FAM53A: variants seen among roughly 807,000 people sequenced by gnomAD.
FAM53A encodes family with sequence similarity 53 member A.
In FAM53A, 28 loss-of-function variants were observed where a neutral mutation model predicts 26.6. That is an observed-to-expected ratio of 1.05 (90% confidence interval 0.78 to 1.45). The LOEUF (loss-of-function observed/expected upper bound fraction) is 1.45, where lower values mean the gene tolerates loss of function less well. Among genes scored for constraint, FAM53A ranks in the 40% most tolerant of loss-of-function variants. The pLI, the probability that FAM53A is intolerant of heterozygous loss-of-function variation, is 0.00. For missense variants in FAM53A, 650 were observed against 575.8 expected (o/e 1.13, Z -1.32); for synonymous variants, 290 against 253.1 (o/e 1.15, Z -1.38).
intron 4 of FAM53A, among the ~76,000 whole-genome samples, chr4:1,653,037 A>G (rs940577779): frequency 6.7e-6 from 1 of 149,240 alleles, no homozygotes; most frequent in Non-Finnish European, 1.5e-5. Context: ...ACACACACAC[A>G]ACACATAGAC....
intron 1 of FAM53A, among the ~76,000 whole-genome samples, chr4:1,623,355 G>A (rs886444004): frequency 1.3e-5 from 2 of 151,760 alleles, no homozygotes; most frequent in East Asian, 1.9e-4. Flanking sequence ...CCGCAGCCCC[G>A]GGAGAGGAGG....
chr4:1,634,719 G>A (rs1261456062), intron 1 of FAM53A, among the ~76,000 whole-genome samples: 3 of 151,618 alleles, frequency 2.0e-5, no homozygotes, highest in Non-Finnish European at 4.4e-5. Flanking sequence ...CCAACATGGT[G>A]AAACCCCGTC....
downstream of FAM53A, among the ~76,000 whole-genome samples, chr4:1,613,235 CT>C (rs1714693576): frequency 6.6e-6 from 1 of 152,202 alleles, no homozygotes; most frequent in African/African-American, 2.4e-5. Context: ...CAGAAAGGTA[CT>C]GGGGGTGGGA....
At chr4:1,676,570 T>C (rs1715058247) in intron 1 of FAM53A, among the ~76,000 whole-genome samples, 1 of 152,114 alleles carries the variant, frequency 6.6e-6, no homozygotes, top group Non-Finnish European at 1.5e-5. Flanking sequence ...AATACTGAGC[T>C]ACTCCCAAAC....
chr4:1,618,364 G>A (rs771224908), intron 1 of FAM53A, among the ~76,000 whole-genome samples: 8 of 152,310 alleles, frequency 5.3e-5, no homozygotes, highest in South Asian at 4.1e-4. Flanking sequence ...AACCAGGCCC[G>A]GACTGGAACA....
intron 4 of FAM53A, among the ~76,000 whole-genome samples, chr4:1,647,853 T>C (rs569045539): frequency 1.3e-4 from 20 of 152,004 alleles, no homozygotes; most frequent in Admixed American, 2.6e-4. Context: ...ATTATAAAAG[T>C]TGTAGAGGAA....
chr4:1,634,713 C>A (rs374944707), intron 1 of FAM53A, among the ~76,000 whole-genome samples: 4 of 152,108 alleles, frequency 2.6e-5, no homozygotes, highest in African/African-American at 9.6e-5. Flanking sequence ...GCCTGGCCAA[C>A]ATGGTGAAAC....
chr4:1,598,932 A>G, the FAM53A span, among the ~76,000 whole-genome samples: 2 of 152,242 alleles, frequency 1.3e-5, no homozygotes, highest in African/African-American at 4.8e-5. Flanking sequence ...AATTGGGTTA[A>G]TATGCCTTAA....
the FAM53A span, among the ~76,000 whole-genome samples, chr4:1,580,666 CACGCCT>C: frequency 1.4e-5 from 2 of 144,480 alleles, no homozygotes; most frequent in Non-Finnish European, 3.0e-5. Flanking sequence ...CCGCCCAGGC[CACGCCT>C]CCCACTGAGG....
chr4:1,620,902 G>T (rs1020836321), intron 1 of FAM53A, among the ~76,000 whole-genome samples: 1 of 151,952 alleles, frequency 6.6e-6, no homozygotes, highest in African/African-American at 2.4e-5. Flanking sequence ...GCTGGGATCG[G>T]GTCCCCAGGG....
At chr4:1,636,781 C>G (rs370297034), downstream of FAM53A, among the ~76,000 whole-genome samples, 4 of 152,210 alleles carry the variant, frequency 2.6e-5, no homozygotes, top group Admixed American at 6.5e-5. Context: ...GACCAGGCAT[C>G]GGGAGGCCAC....
At chr4:1,579,126 G>A in the FAM53A span, among the ~76,000 whole-genome samples, 1 of 150,516 alleles carries the variant, frequency 6.6e-6, no homozygotes, top group Non-Finnish European at 1.5e-5. Context: ...TCCCGAATCC[G>A]ACCAGCCCGG....
chr4:1,576,633 C>T, the FAM53A span, among the ~76,000 whole-genome samples: 1 of 152,238 alleles, frequency 6.6e-6, no homozygotes, highest in Non-Finnish European at 1.5e-5. Context: ...AGAGTGTGAA[C>T]GTTACGGTAA....
chr4:1,637,964 C>A (rs958741360), downstream of FAM53A, among the ~76,000 whole-genome samples: 4 of 151,936 alleles, frequency 2.6e-5, no homozygotes, highest in Middle Eastern at 3.4e-3. Context: ...GGCCCTGGGA[C>A]CCCCTGCCTG....
intron 2 of FAM53A, among the ~76,000 whole-genome samples, chr4:1,662,952 T>TG (rs1213321692): frequency 2.0e-5 from 3 of 152,196 alleles, no homozygotes; most frequent in South Asian, 2.1e-4. Context: ...CCCACCACTC[T>TG]GGGGGGCCGA....
chr4:1,668,736 G>A lies in FAM53A; in HGVS notation c.6C>T (p.Val2=). 6.2e-7 allele frequency: 1 copy of A among 1,614,204 alleles called. No homozygotes were observed. Residue 2 remains valine, a synonymous_variant, in exon 2 of 5, where the codon GTC becomes GTT. Coordinates refer to ENST00000308132, the MANE Select transcript of FAM53A (RefSeq NM_001174070.3). ...TCTGCAGCTTCTCAGTGATGAGTGT[G>A]ACCATGGTCGGGGCCCCGTGTCCTC... M[V]TLITEKLQSQ...
chr4:1,624,196 C>T (rs1715179473), intron 1 of FAM53A, among the ~76,000 whole-genome samples: 1 of 152,252 alleles, frequency 6.6e-6, no homozygotes, highest in South Asian at 2.1e-4. Flanking sequence ...ACGACTGGCT[C>T]AGGTCCCTGG....
At chr4:1,651,963 A>G (rs1712828941) in intron 4 of FAM53A, among the ~76,000 whole-genome samples, 1 of 150,622 alleles carries the variant, frequency 6.6e-6, no homozygotes, top group South Asian at 2.1e-4. Context: ...ACACACACAC[A>G]CCATGCACGC....
intron 1 of FAM53A, among the ~76,000 whole-genome samples, chr4:1,620,443 C>T (rs1386373192): frequency 6.6e-6 from 1 of 151,888 alleles, no homozygotes; most frequent in East Asian, 1.9e-4. Flanking sequence ...TGGTTCCTGC[C>T]ACAGTCAGGA....
Sources: gnomAD v4.1 joint callset for allele counts (sites outside exome capture counted in the v4.1 genomes callset) on GRCh38, gnomAD v4.1.1 for gene constraint, MANE v1.5 for transcripts, NCBI Gene and HGNC (gene_info 2026-07-23, HGNC 2026-07-21) for gene names.